The following ZNF738 variants were observed in gnomAD, a reference collection of about 807,000 sequenced individuals.
ZNF738 encodes the protein zinc finger protein 738.
Under a neutral mutation model 9.2 loss-of-function variants are expected in ZNF738, and 10 were observed. That is an observed-to-expected ratio of 1.09 (90% confidence interval 0.67 to 1.85). ZNF738 has a LOEUF of 1.85. Ranked by LOEUF, ZNF738 falls within the 40% of genes most tolerant of loss-of-function variation. ZNF738 has a pLI of 0.00. For missense variants in ZNF738, 346 were observed against 283.6 expected, an observed-to-expected ratio of 1.22 and a Z score of -1.58; for synonymous variants, 113 against 94.5, an observed-to-expected ratio of 1.20 and a Z score of -1.14.
At chr19:21,365,409 A>C (rs8103325) in intron 2 of ZNF738, among the ~76,000 whole-genome samples, 85,874 of 151,780 alleles carry the variant, frequency 0.57, 24,575 homozygotes, top group Middle Eastern at 0.68. Context: ...GCCCTGGTTC[A>C]ATATGCCTGA....
Position 21,385,986 on chromosome 19 carries a change from A to G in ZNF738, c.*2312A>G, listed in dbSNP as rs1974062666. Reference sequence around the variant, plus strand: ...CACTTCTCAACCCTGATGACACATAAGGTAATTCGTGCTGGAGAGAAACCC... The same window carrying G: ...CACTTCTCAACCCTGATGACACATAGGGTAATTCGTGCTGGAGAGAAACCC... On this transcript the variant is annotated 3_prime_UTR_variant, in exon 5 of 5. Coordinates refer to ENST00000683779, the MANE Select transcript of ZNF738 (RefSeq NM_001355237.2). 6.6e-6 allele frequency among the ~76,000 whole-genome samples: 1 copy of G among 152,244 alleles called. No homozygotes were observed. Among genetic ancestry groups the G allele is most frequent in the South Asian group, 2.1e-4 (1 of 4,838 alleles).
intron 2 of ZNF738, chr19:21,372,134 G>A (rs1280736850): frequency 2.6e-5 from 4 of 151,942 alleles, no homozygotes; most frequent in Admixed American, 1.3e-4. Context: ...TAGAGATGGG[G>A]TTTCTCCATG....
chr19:21,381,405 T>C (rs1974002291), intron 4 of ZNF738: 2 of 1,521,412 alleles, frequency 1.3e-6, no homozygotes, highest in African/African-American at 2.7e-5. Flanking sequence ...TCTCCTTTTG[T>C]CTTTGTATAT....
At chr19:21,379,050 T>C (rs895520669) in intron 4 of ZNF738, 3 of 19,126 alleles carry the variant, frequency 1.6e-4, no homozygotes, top group African/African-American at 4.0e-4. Context: ...AGATTTCTGT[T>C]ATTTTTTATA....
At chr19:21,360,453 TTTG>T (rs889383564) in intron 1 of ZNF738, 1 of 152,400 alleles carries the variant, frequency 6.6e-6, no homozygotes, top group African/African-American at 2.4e-5. Flanking sequence ...TGTTTTTTTG[TTTG>T]TTTTGTTTTG....
chr19:21,376,122 T>C (rs1484602291), intron 4 of ZNF738, 158 bp downstream of exon 4: 1 of 470,734 alleles, frequency 2.1e-6, no homozygotes, highest in African/African-American at 2.0e-5. Flanking sequence ...GTTTTCTTTT[T>C]GTTGTTGTTA....
chr19:21,383,684 G>A lies in ZNF738; in HGVS notation c.*10G>A, dbSNP rs1292825555. The A allele has an allele frequency of 4.1e-6, 4 of 986,284 alleles. No homozygotes were observed. In the African/African-American group the frequency reaches 6.3e-5, roughly 16 times the overall value. The allele number at this position is 986,284 out of a possible 1,614,324, so 61.1% of individuals were successfully genotyped here. A position where few individuals can be genotyped will look rare whatever the true frequency, so the allele number is the denominator to read the frequency against. On this transcript the variant is annotated 3_prime_UTR_variant, in exon 5 of 5. Transcript: ENST00000683779. ...CTACAAATGTGAATAATGTGGCAAA[G>A]CCTTTAATGTATTCGCAACCCTTAC...
rs969261491 is a variant in ZNF738 at position 21,385,603 on chromosome 19, T to C, written c.*1929T>C. Among the ~76,000 whole-genome samples, 1 of 152,132 alleles carries C rather than the reference T, an allele frequency of 6.6e-6. No homozygotes were observed. The highest frequency in any genetic ancestry group is 1.5e-5 in the Non-Finnish European group (1 of 68,006). ...TCATACTGGAAGGAAACCCTACAAATGTAAAGAATGTGAGAAAGCTTTTAA... is the reference window on the plus strand; with the variant it reads ...TCATACTGGAAGGAAACCCTACAAACGTAAAGAATGTGAGAAAGCTTTTAA... On this transcript the variant is annotated 3_prime_UTR_variant, in exon 5 of 5. Coordinates refer to ENST00000683779, the MANE Select transcript of ZNF738 (RefSeq NM_001355237.2).
Position 21,383,800 on chromosome 19 carries a change from T to C in ZNF738, c.*126T>C. 8.2e-7 allele frequency: 1 copy of C among 1,217,956 alleles called. No individual in the cohort carries two copies. The highest frequency in any genetic ancestry group is 1.2e-6 in the Non-Finnish European group (1 of 833,748). 75.4% of individuals were successfully genotyped at this position (1,217,956 alleles called of 1,614,324 possible). ...AACAGTCCTCAAACCTTACTACTCA[T>C]GAAAATTCATTCTGGAGAGAAACCC... is the stretch of plus-strand genomic sequence containing the variant. On this transcript the variant is annotated 3_prime_UTR_variant, in exon 5 of 5. Transcript: ENST00000683779.
Position 21,386,760 on chromosome 19 carries a change from CA to C in ZNF738, c.*3088del. 1 of 178,646 alleles carries C rather than the reference CA, an allele frequency of 5.6e-6. No individual in the cohort carries two copies. Among genetic ancestry groups the C allele is most frequent in the Non-Finnish European group, 1.2e-5 (1 of 84,048 alleles). The allele number at this position is 178,646 out of a possible 1,614,324, so 11.1% of individuals were successfully genotyped here. On this transcript the variant is annotated 3_prime_UTR_variant, in exon 5 of 5. Transcript: ENST00000683779. The stretch of plus-strand genomic sequence containing the variant: ...AGTTTCACTCTTGTTGCCAAGGCTG[CA>C]ATACTGTGGCATGATTTCAGCTCAC...
chr19:21,380,721 C>A (rs1973992725), intron 4 of ZNF738, among the ~76,000 whole-genome samples: 1 of 152,134 alleles, frequency 6.6e-6, no homozygotes, highest in East Asian at 1.9e-4. Context: ...AATGAGGCAT[C>A]TGACAATGAA....
At position 21,363,031 on chromosome 19, in the gene ZNF738, G is replaced by A. The variant is rs542530386; in HGVS notation, c.96+1173G>A. Among the ~76,000 whole-genome samples the A allele has an allele frequency of 3.3e-3, 501 of 152,238 alleles. 1 individual carries two copies. Among genetic ancestry groups the A allele is most frequent in the Non-Finnish European group, 5.7e-3 (389 of 68,010 alleles). On this transcript the variant is annotated intron_variant, in intron 2 of 4. Transcript: ENST00000683779. ...TTCAAATTCTGTTATCTTGATTTCT[G>A]AGTTTTATGCTAAATTTTATGAGAT...
At chr19:21,372,671 A>T (rs1412274313) in intron 2 of ZNF738, 1 of 152,172 alleles carries the variant, frequency 6.6e-6, no homozygotes. Flanking sequence ...ATTTCTCTAA[A>T]CTACATTCTA....
At chr19:21,374,248 GA>G (rs149502615) in intron 2 of ZNF738, among the ~76,000 whole-genome samples, 8 of 138,224 alleles carry the variant, frequency 5.8e-5, no homozygotes, top group African/African-American at 1.1e-4. Flanking sequence ...TGAAAGTTCT[GA>G]AAAAAAAATT....
chr19:21,373,146 C>T (rs571243254), intron 2 of ZNF738, among the ~76,000 whole-genome samples: 24 of 152,252 alleles, frequency 1.6e-4, no homozygotes, highest in Admixed American at 1.2e-3. Context: ...GTGGGACCAA[C>T]GTTACCAAGT....
chr19:21,377,750 A>G (rs1236091616), intron 4 of ZNF738: 1 of 360,504 alleles, frequency 2.8e-6, no homozygotes, highest in Non-Finnish European at 4.9e-6. Context: ...TATGTTTTTA[A>G]TCATTAGATG....
At chr19:21,376,448 T>A (rs1973929147) in intron 4 of ZNF738, 1 of 152,662 alleles carries the variant, frequency 6.6e-6, no homozygotes, top group Non-Finnish European at 1.5e-5. Flanking sequence ...ATTAGTATAT[T>A]CTTGAAATAT....
rs1196449191 is a variant in ZNF738, at chr19:21,375,956, C to T, written c.311C>T (p.Thr104Ile). ...ATGAAGAGACACAGTATGGTAGCCA[C>T]ACCCCCAGGTAGGTGAGAGTGAATA... ...WNMKRHSMVA[T>I]PPVTYSHFAQ... The change falls in exon 4 of 5, where the codon ACA becomes ATA. Residue 104 changes from threonine to isoleucine, a missense_variant. Coordinates refer to ENST00000683779, the MANE Select transcript of ZNF738 (RefSeq NM_001355237.2). 1 of 771,472 alleles carries T rather than the reference C, an allele frequency of 1.3e-6. No homozygotes were observed. The allele number at this position is 771,472 out of a possible 1,614,324, so 47.8% of individuals were successfully genotyped here.
intron 1 of ZNF738, 81 bp downstream of exon 1, chr19:21,359,224 G>T (rs553600061): frequency 8.7e-6 from 8 of 917,698 alleles, no homozygotes; most frequent in Non-Finnish European, 1.5e-5. Flanking sequence ...CGAGACTCAG[G>T]CCTCCCCGCA....
Sources: allele counts gnomAD v4.1 joint callset (sites outside exome capture counted in the v4.1 genomes callset), GRCh38; gene constraint gnomAD v4.1.1; transcripts MANE v1.5; gene names NCBI Gene and HGNC (gene_info 2026-07-23, HGNC 2026-07-21).